Variants in ADCY10 observed in about 807,000 individuals in gnomAD.
ADCY10 encodes the protein adenylate cyclase type 10.
A neutral mutation model predicts 183.3 loss-of-function variants in ADCY10; 156 were observed. That is an observed-to-expected ratio of 0.85 (90% CI 0.75 to 0.97). The LOEUF (loss-of-function observed/expected upper bound fraction) is 0.97, where lower values mean the gene tolerates loss of function less well. Ranked by LOEUF, ADCY10 falls within the 50% of genes least tolerant of loss-of-function variation. The pLI, the probability that ADCY10 is intolerant of heterozygous loss-of-function variation, is 0.00. For synonymous variants in ADCY10, 645 were observed against 670.0 expected (o/e 0.96, Z 0.58); for missense variants, 1,745 against 1,934.3 (o/e 0.90, Z 1.84).
rs1295775584 is a variant in ADCY10, at chr1:167,854,452, A to G, written c.2209T>C (p.Cys737Arg). The part of the protein sequence containing the change: ...GEGSCGIPFY[C>R]EELLKNLEHH... ...TCCAGGTTTTTAAGCAATTCTTCAC[A>G]GTAAAATGGAATCCCACAGCTTCCC... Residue 737 changes from cysteine to arginine, a missense_variant, in exon 18 of 33, where the codon TGT becomes CGT. Transcript: ENST00000367851. 4.3e-6 allele frequency: 7 copies of G among 1,614,098 alleles called. No homozygotes were observed. The highest frequency in any genetic ancestry group is 4.0e-5 in the African/African-American group (3 of 74,940).
chr1:167,881,937 G>A (rs142736203), intron 9 of ADCY10, among the ~76,000 whole-genome samples: 22 of 152,280 alleles, frequency 1.4e-4, no homozygotes, highest in South Asian at 4.1e-4. Flanking sequence ...GAGTTAGTTC[G>A]TCTCATATAG....
At chr1:167,860,237 T>A (rs1056884550) in intron 15 of ADCY10, among the ~76,000 whole-genome samples, 2 of 151,952 alleles carry the variant, frequency 1.3e-5, no homozygotes, top group African/African-American at 4.8e-5. Context: ...AACTAGATGG[T>A]CCCATCTGAG....
At position 167,875,186 on chromosome 1, in the gene ADCY10, G is replaced by T; in HGVS notation, c.1407C>A (p.Val469=). The T allele has an allele frequency of 1.9e-6, 3 of 1,614,014 alleles. No homozygotes were observed. Among genetic ancestry groups the T allele is most frequent in the Non-Finnish European group, 2.5e-6 (3 of 1,179,868 alleles). Residue 469 remains valine (V), a splice_region_variant and synonymous_variant, in exon 13 of 33, where the codon GTC becomes GTA. Coordinates refer to ENST00000367851, the MANE Select transcript of ADCY10 (RefSeq NM_018417.6). ...LYQYWGRTEK[V]MFGMACLICN... is the part of the protein sequence containing the mutation. ...AGATGAGGCACGCCATACCAAACAT[G>T]CTGAAGAGAAGAACAAAAGAACAGA...
At chr1:167,889,484 T>C (rs1668460579) in intron 8 of ADCY10, among the ~76,000 whole-genome samples, 1 of 148,296 alleles carries the variant, frequency 6.7e-6, no homozygotes. Flanking sequence ...GCTAGTATTT[T>C]GCTGAGGATT....
intron 30 of ADCY10, 192 bp from the exon 31 acceptor site, chr1:167,818,459 T>C (rs1217017590): frequency 1.4e-6 from 1 of 700,346 alleles, no homozygotes; most frequent in Non-Finnish European, 2.6e-6. Flanking sequence ...AAATAATAAA[T>C]TTTTTTGATG....
chr1:167,834,373 T>C (rs1343412955), intron 23 of ADCY10: 3 of 477,824 alleles, frequency 6.3e-6, no homozygotes, highest in Non-Finnish European at 1.2e-5. Flanking sequence ...TACCCGAAGT[T>C]TCCCTCAAGC....
In ADCY10 at chr1:167,823,238, A is replaced by T. The variant is rs1663031776; in HGVS notation, c.4053-115T>A. ...TCAGGAGTTCGAGACCAGCCTGGCCAACATGGTGAAACCCCATCTCCACTA... is the reference window on the plus strand; with the variant it reads ...TCAGGAGTTCGAGACCAGCCTGGCCTACATGGTGAAACCCCATCTCCACTA... On this transcript the variant is annotated intron_variant, in intron 28 of 32. Coordinates refer to ENST00000367851, the MANE Select transcript of ADCY10 (RefSeq NM_018417.6). 4 of 748,386 alleles carry T rather than the reference A, an allele frequency of 5.3e-6. No homozygotes were observed. In the South Asian group the frequency reaches 5.7e-5, roughly 11 times the overall value. The allele number at this position is 748,386 out of a possible 1,614,324, so 46.4% of individuals were successfully genotyped here. A position where few individuals can be genotyped will look rare whatever the true frequency, so the allele number is the denominator to read the frequency against.
intron 31 of ADCY10, among the ~76,000 whole-genome samples, chr1:167,811,301 T>C (rs368530744): frequency 4.6e-5 from 7 of 152,142 alleles, no homozygotes; most frequent in African/African-American, 1.4e-4. Flanking sequence ...AGTAAAAAGC[T>C]GAACAGGCTG....
chr1:167,901,660 AC>A lies in ADCY10; in HGVS notation c.436+1del. On this transcript the variant is annotated splice_donor_variant, in intron 5 of 32. Coordinates refer to ENST00000367851, the MANE Select transcript of ADCY10 (RefSeq NM_018417.6). LOFTEE classifies it high-confidence loss of function. The stretch of plus-strand genomic sequence containing the variant: ...AGGATTTATTCCTTCTCAAATGCTT[AC>A]CTATCTTGACTCGGATGTCTAGGCC... 1 of 1,613,998 alleles carries A rather than the reference AC, an allele frequency of 6.2e-7. No homozygotes were observed. Among genetic ancestry groups the A allele is most frequent in the African/African-American group, 1.3e-5 (1 of 75,018 alleles).
At chr1:167,857,438 G>A (rs1269839143) in intron 16 of ADCY10, among the ~76,000 whole-genome samples, 2 of 152,132 alleles carry the variant, frequency 1.3e-5, no homozygotes, top group African/African-American at 4.8e-5. Context: ...TTTTGAGTTT[G>A]ACTGGTATCT....
intron 18 of ADCY10, among the ~76,000 whole-genome samples, chr1:167,853,830 CTTTTTTTT>C (rs538462140): frequency 4.5e-4 from 35 of 77,190 alleles, no homozygotes; most frequent in African/African-American, 1.8e-3. Flanking sequence ...ACTATAGTTA[CTTTTTTTT>C]TTTTTTTTTT....
chr1:167,877,103 T>C (rs1384549001), intron 12 of ADCY10, among the ~76,000 whole-genome samples: 1 of 151,950 alleles, frequency 6.6e-6, no homozygotes, highest in Non-Finnish European at 1.5e-5. Flanking sequence ...TGAAGTTTTG[T>C]GATTGCCCGT....
intron 13 of ADCY10, among the ~76,000 whole-genome samples, chr1:167,872,164 C>A (rs982674866): frequency 7.2e-5 from 11 of 152,034 alleles, no homozygotes; most frequent in African/African-American, 1.2e-4. Flanking sequence ...CATGGAGAAA[C>A]CCCGTCTCTA....
At chr1:167,841,978 T>A (rs1034947918) in intron 21 of ADCY10, among the ~76,000 whole-genome samples, 3 of 152,168 alleles carry the variant, frequency 2.0e-5, no homozygotes, top group African/African-American at 7.2e-5. Flanking sequence ...TAGTCACTGA[T>A]GAAATAGGTG....
At position 167,872,573 on chromosome 1, in the gene ADCY10, G is replaced by A. The variant is rs116493038; in HGVS notation, c.1463-2163C>T. Among the ~76,000 whole-genome samples, 690 of 151,906 alleles carry A rather than the reference G, an allele frequency of 4.5e-3. 10 individuals are homozygous for A. Among genetic ancestry groups the A allele is most frequent in the African/African-American group, 0.016 (665 of 41,370 alleles). On this transcript the variant is annotated intron_variant, in intron 13 of 32. Coordinates refer to ENST00000367851, the MANE Select transcript of ADCY10 (RefSeq NM_018417.6). ...TTGTATGCAGTTTTTACCCTAAAAAGCCACTATTTATTTATTATAGTTTTG... is the reference window on the plus strand; with the variant it reads ...TTGTATGCAGTTTTTACCCTAAAAAACCACTATTTATTTATTATAGTTTTG...
rs879025060 is a variant in ADCY10 at position 167,904,082 on chromosome 1, CT to C, written c.149-92del. 64,337 of 357,448 alleles carry C rather than the reference CT, an allele frequency of 0.18. 464 individuals carry two copies. The highest frequency in any genetic ancestry group is 0.22 in the African/African-American group (6,950 of 32,122). The allele number at this position is 357,448 out of a possible 1,614,324, so 22.1% of individuals were successfully genotyped here. A position where few individuals can be genotyped will look rare whatever the true frequency, so the allele number is the denominator to read the frequency against. ...TACCCTGGAAGGCAGCGGGCCTCAGCTTTTTTTTTTTTTTTTTTTTTTTGAG... is the reference window on the plus strand; with the variant it reads ...TACCCTGGAAGGCAGCGGGCCTCAGCTTTTTTTTTTTTTTTTTTTTTTGAG... On this transcript the variant is annotated intron_variant, in intron 2 of 32. Coordinates refer to ENST00000367851, the MANE Select transcript of ADCY10 (RefSeq NM_018417.6).
intron 21 of ADCY10, among the ~76,000 whole-genome samples, chr1:167,844,777 A>G (rs1299021548): frequency 6.6e-6 from 1 of 152,174 alleles, no homozygotes; most frequent in East Asian, 1.9e-4. Context: ...CTGATTTTTA[A>G]TATCCTTATA....
intron 6 of ADCY10, 58 bp downstream of exon 6, chr1:167,899,365 C>A: frequency 6.4e-7 from 1 of 1,551,646 alleles, no homozygotes; most frequent in Admixed American, 1.7e-5. Context: ...ACTCTTCTGG[C>A]AGGGGGCCTC....
At chr1:167,845,435 T>C (rs1664933119) in intron 21 of ADCY10, 128 bp downstream of exon 21, 4 of 947,412 alleles carry the variant, frequency 4.2e-6, no homozygotes, top group Non-Finnish European at 6.6e-6. Flanking sequence ...TGCTGAAGTC[T>C]CATCATTCTT....
Sources: gnomAD v4.1 joint callset for allele counts (sites outside exome capture counted in the v4.1 genomes callset) on GRCh38, gnomAD v4.1.1 for gene constraint, MANE v1.5 for transcripts, NCBI Gene and HGNC (gene_info 2026-07-23, HGNC 2026-07-21) for gene names.